Variants in TBC1D32 observed in about 807,000 individuals in gnomAD.
TBC1D32 encodes the protein TBC1 domain family member 32.
TBC1D32 carries 151 observed loss-of-function variants against 170.3 expected under a neutral mutation model. That is an observed-to-expected ratio of 0.89 (90% CI 0.78 to 1.01). The LOEUF is 1.01. TBC1D32 is among the 50% of genes least tolerant of loss of function. The pLI is 0.00. For synonymous variants in TBC1D32, 498 were observed against 488.0 expected (o/e 1.02, Z -0.27); for missense variants, 1,464 against 1,457.1 (o/e 1.00, Z -0.08).
intron 19 of TBC1D32, among the ~76,000 whole-genome samples, chr6:121,240,357 A>AT (rs35946120): frequency 0.13 from 9,891 of 75,044 alleles, 1,320 homozygotes; most frequent in African/African-American, 0.28. Flanking sequence ...GTTTAGGACA[A>AT]TTTTTTTTTT....
chr6:121,114,943 C>A (rs1779545823), intron 27 of TBC1D32, among the ~76,000 whole-genome samples: 1 of 152,108 alleles, frequency 6.6e-6, no homozygotes, highest in Non-Finnish European at 1.5e-5. Flanking sequence ...AGGGCTTAAA[C>A]ACACTGTAAT....
At chr6:121,180,979 T>C (rs1409470111) in intron 22 of TBC1D32, among the ~76,000 whole-genome samples, 1 of 151,918 alleles carries the variant, frequency 6.6e-6, no homozygotes, top group East Asian at 1.9e-4. Context: ...CCAAGAGGTA[T>C]ATGAAAAAAT....
At chr6:121,255,524 T>TA (rs1370577700) in intron 16 of TBC1D32, 114 bp from the exon 17 acceptor site, 112 of 253,186 alleles carry the variant, frequency 4.4e-4, no homozygotes, top group East Asian at 1.1e-3. Context: ...TTATATTTTA[T>TA]ATTTCTTACT....
At chr6:121,133,199 A>T (rs1343807066) in intron 24 of TBC1D32, among the ~76,000 whole-genome samples, 1 of 151,980 alleles carries the variant, frequency 6.6e-6, no homozygotes, top group Non-Finnish European at 1.5e-5. Flanking sequence ...GATACTTGAG[A>T]GGGTTTCAGC....
intron 31 of TBC1D32, among the ~76,000 whole-genome samples, chr6:121,086,898 T>A (rs1453224162): frequency 1.3e-5 from 2 of 152,180 alleles, no homozygotes; most frequent in Admixed American, 1.3e-4. Flanking sequence ...TGAAAGAATA[T>A]CCCAGTTGCT....
At chr6:121,256,745 T>C (rs1355262265) in intron 15 of TBC1D32, among the ~76,000 whole-genome samples, 1 of 151,844 alleles carries the variant, frequency 6.6e-6, no homozygotes, top group African/African-American at 2.4e-5. Flanking sequence ...GGCGCGGTCT[T>C]GGCTCACTCT....
intron 22 of TBC1D32, among the ~76,000 whole-genome samples, chr6:121,204,195 T>G (rs988250565): frequency 5.3e-5 from 8 of 151,300 alleles, no homozygotes; most frequent in Non-Finnish European, 1.2e-4. Flanking sequence ...AAACACATTT[T>G]GAGATAAAGG....
At chr6:121,258,432 CT>C (rs201030720) in intron 15 of TBC1D32, among the ~76,000 whole-genome samples, 3,953 of 148,036 alleles carry the variant, frequency 0.027, 160 homozygotes, top group East Asian at 0.12. Context: ...TTCACTTTTT[CT>C]TTTTTTTTTC....
intron 24 of TBC1D32, among the ~76,000 whole-genome samples, chr6:121,153,091 T>C (rs1784410984): frequency 1.3e-5 from 2 of 152,292 alleles, no homozygotes; most frequent in Non-Finnish European, 2.9e-5. Context: ...TTCTGGTTTT[T>C]GGACTTGTTG....
chr6:121,097,396 A>C (rs1777543127), intron 30 of TBC1D32, among the ~76,000 whole-genome samples: 1 of 152,218 alleles, frequency 6.6e-6, no homozygotes, highest in South Asian at 2.1e-4. Flanking sequence ...ATGAACAGAC[A>C]CTTCTCAAAA....
chr6:121,252,064 C>T (rs1392502262), intron 17 of TBC1D32, among the ~76,000 whole-genome samples: 1 of 152,074 alleles, frequency 6.6e-6, no homozygotes, highest in African/African-American at 2.4e-5. Context: ...ATTAAAAAGT[C>T]AGGAAAAAAC....
At chr6:121,225,866 G>A (rs1473103756) in intron 20 of TBC1D32, among the ~76,000 whole-genome samples, 1 of 152,096 alleles carries the variant, frequency 6.6e-6, no homozygotes, top group East Asian at 1.9e-4. Context: ...GTAATTATTG[G>A]TTCCCACAAA....
At chr6:121,279,678 C>G (rs1195939780) in intron 14 of TBC1D32, among the ~76,000 whole-genome samples, 1 of 151,906 alleles carries the variant, frequency 6.6e-6, no homozygotes, top group African/African-American at 2.4e-5. Context: ...ATGTTTGCGT[C>G]ATGAATGTAC....
At chr6:121,290,043 A>G (rs1804577533) in intron 12 of TBC1D32, among the ~76,000 whole-genome samples, 1 of 152,116 alleles carries the variant, frequency 6.6e-6, no homozygotes, top group Non-Finnish European at 1.5e-5. Flanking sequence ...AACCATAAAA[A>G]CCCTAGAAGA....
At chr6:121,144,501 G>T (rs1424911170) in intron 24 of TBC1D32, among the ~76,000 whole-genome samples, 1 of 152,090 alleles carries the variant, frequency 6.6e-6, no homozygotes, top group African/African-American at 2.4e-5. Flanking sequence ...ACGAGTGCAT[G>T]AATGCCGTTA....
chr6:121,227,080 C>T (rs1019911229), intron 20 of TBC1D32, among the ~76,000 whole-genome samples: 1 of 152,122 alleles, frequency 6.6e-6, no homozygotes, highest in Non-Finnish European at 1.5e-5. Flanking sequence ...CAAAAAAAAT[C>T]TCATAATGTT....
chr6:121,143,279 C>T (rs1783026785), intron 24 of TBC1D32, among the ~76,000 whole-genome samples: 1 of 152,022 alleles, frequency 6.6e-6, no homozygotes, highest in Non-Finnish European at 1.5e-5. Flanking sequence ...CATACATACA[C>T]AGAGAATGTA....
chr6:121,334,238 G>T, intron 1 of TBC1D32, 38 bp downstream of exon 1: 1 of 1,582,354 alleles, frequency 6.3e-7, no homozygotes, highest in Non-Finnish European at 8.7e-7. Flanking sequence ...TCTCTGGATC[G>T]ATGGTTTATA....
chr6:121,203,054 C>T (rs1791798260), intron 22 of TBC1D32, among the ~76,000 whole-genome samples: 1 of 151,090 alleles, frequency 6.6e-6, no homozygotes, highest in Non-Finnish European at 1.5e-5. Flanking sequence ...GAGAAAGGTA[C>T]AAGGAAGGCT....
Sources: gnomAD v4.1 joint callset for allele counts (sites outside exome capture counted in the v4.1 genomes callset) on GRCh38, gnomAD v4.1.1 for gene constraint, MANE v1.5 for transcripts, NCBI Gene and HGNC (gene_info 2026-07-23, HGNC 2026-07-21) for gene names.